PPP4R2: variants seen among roughly 807,000 people sequenced by gnomAD.
The protein encoded by PPP4R2 is serine/threonine-protein phosphatase 4 regulatory subunit 2.
PPP4R2 carries 13 observed loss-of-function variants against 47.2 expected under a neutral mutation model. The ratio of observed to expected loss-of-function variants is 0.28; its 90% CI spans 0.18 to 0.44. The LOEUF (loss-of-function observed/expected upper bound fraction) is 0.44. PPP4R2 is among the 20% of genes least tolerant of loss of function. PPP4R2 has a pLI of 1.00. For missense variants in PPP4R2, 421 were observed against 491.2 expected (o/e 0.86, Z 1.35); for synonymous variants, 151 against 163.3 (o/e 0.92, Z 0.57).
At chr3:73,055,052 A>G (rs1047392771) in intron 3 of PPP4R2, among the ~76,000 whole-genome samples, 1 of 152,114 alleles carries the variant, frequency 6.6e-6, no homozygotes, top group Non-Finnish European at 1.5e-5. Flanking sequence ...TTAAATTAAG[A>G]TATATAAGGT....
At chr3:73,038,967 T>G (rs748219373) in intron 2 of PPP4R2, among the ~76,000 whole-genome samples, 42 of 152,288 alleles carry the variant, frequency 2.8e-4, no homozygotes, top group Admixed American at 4.6e-4. Context: ...GCAAATACTT[T>G]CCCTTCAGAA....
chr3:73,022,448 A>C (rs1330093584), intron 2 of PPP4R2, among the ~76,000 whole-genome samples: 2 of 152,326 alleles, frequency 1.3e-5, no homozygotes, highest in Middle Eastern at 3.4e-3. Context: ...TGAAAGTTAC[A>C]GTGTCAAGTG....
intron 2 of PPP4R2, among the ~76,000 whole-genome samples, chr3:73,028,242 G>A (rs2107269469): frequency 7.8e-6 from 1 of 128,466 alleles, no homozygotes; most frequent in East Asian, 2.5e-4. Flanking sequence ...GGGTGTCAGA[G>A]CAAGACTCCG....
At chr3:73,013,349 T>C (rs1701761112) in intron 2 of PPP4R2, among the ~76,000 whole-genome samples, 1 of 152,246 alleles carries the variant, frequency 6.6e-6, no homozygotes, top group South Asian at 2.1e-4. Flanking sequence ...AGGAATTTGG[T>C]GAGAATAACT....
intron 7 of PPP4R2, among the ~76,000 whole-genome samples, chr3:73,064,433 G>C (rs1055456950): frequency 6.6e-6 from 1 of 152,138 alleles, no homozygotes; most frequent in African/African-American, 2.4e-5. Context: ...GAAAAGAAAT[G>C]ATCTTTATAA....
chr3:73,027,299 T>C (rs1438338272), intron 2 of PPP4R2, among the ~76,000 whole-genome samples: 4 of 152,192 alleles, frequency 2.6e-5, no homozygotes, highest in African/African-American at 4.8e-5. Flanking sequence ...GGCTAATTTT[T>C]TGCATTTTAG....
chr3:73,023,655 G>T (rs939764086), intron 2 of PPP4R2, among the ~76,000 whole-genome samples: 1 of 152,158 alleles, frequency 6.6e-6, no homozygotes, highest in African/African-American at 2.4e-5. Context: ...ATCAAAGGAA[G>T]ACATGACAGT....
In PPP4R2 at chr3:73,065,587, T is replaced by A. The variant is rs1222316519; in HGVS notation, c.1119T>A (p.Ser373Arg). 6.2e-7 allele frequency: 1 copy of A among 1,613,730 alleles called. No homozygotes were observed. Among genetic ancestry groups the A allele is most frequent in the East Asian group, 2.2e-5 (1 of 44,856 alleles). ...GSENEGPVSSSSSDCRETEEL... is the reference protein window; with the variant it reads ...GSENEGPVSSRSSDCRETEEL... The stretch of plus-strand genomic sequence containing the variant: ...AAAACGAAGGCCCTGTAAGTAGTAG[T>A]TCTTCTGACTGCCGTGAAACAGAAG... The change falls in exon 9 of 9, where the codon AGT becomes AGA. Residue 373 changes from serine (S) to arginine (R), a missense_variant. Ser to Arg is a moderately radical substitution (Grantham distance 110). This residue lies in a region of PPP4R2 where 317 missense variants were observed against 287.5 expected (regional missense o/e 1.10). Coordinates refer to ENST00000356692, the MANE Select transcript of PPP4R2 (RefSeq NM_174907.4).
intron 2 of PPP4R2, among the ~76,000 whole-genome samples, chr3:73,023,285 G>A (rs1701996958): frequency 8.9e-6 from 1 of 112,920 alleles, no homozygotes; most frequent in African/African-American, 3.7e-5. Context: ...TGCCTCCTGG[G>A]TTCAAGCAAT....
intron 2 of PPP4R2, among the ~76,000 whole-genome samples, chr3:73,028,674 G>A (rs868614054): frequency 1.3e-5 from 2 of 151,880 alleles, no homozygotes; most frequent in African/African-American, 4.8e-5. Context: ...TCCTGACCTC[G>A]TGATCCGCCC....
At chr3:73,032,585 C>T (rs1702187034) in intron 2 of PPP4R2, among the ~76,000 whole-genome samples, 1 of 152,190 alleles carries the variant, frequency 6.6e-6, no homozygotes, top group Non-Finnish European at 1.5e-5. Flanking sequence ...CCGTGCCCAG[C>T]CTACCTTCCT....
At chr3:73,035,125 T>A (rs75352225) in intron 2 of PPP4R2, among the ~76,000 whole-genome samples, 7,270 of 152,328 alleles carry the variant, frequency 0.048, 582 homozygotes, top group African/African-American at 0.17. Context: ...GCTAATTATC[T>A]GAACATTTTC....
chr3:73,019,532 C>T (rs528442437), intron 2 of PPP4R2, among the ~76,000 whole-genome samples: 2 of 152,252 alleles, frequency 1.3e-5, no homozygotes, highest in East Asian at 3.9e-4. Context: ...TGCCACCACA[C>T]CCGGCTAATT....
intron 3 of PPP4R2, among the ~76,000 whole-genome samples, chr3:73,050,898 G>A (rs754417514): frequency 2.0e-5 from 3 of 152,144 alleles, no homozygotes; most frequent in East Asian, 1.9e-4. Flanking sequence ...TTGAATATAC[G>A]TATAGATTGT....
chr3:73,026,501 A>ATT (rs10685161), intron 2 of PPP4R2, among the ~76,000 whole-genome samples: 80,399 of 151,740 alleles, frequency 0.53, 21,644 homozygotes, highest in African/African-American at 0.62. Context: ...TTTTGTTTAG[A>ATT]GTGAGTTCCC....
At chr3:73,024,272 A>G (rs1702015646) in intron 2 of PPP4R2, among the ~76,000 whole-genome samples, 1 of 152,186 alleles carries the variant, frequency 6.6e-6, no homozygotes, top group South Asian at 2.1e-4. Flanking sequence ...TCAAGGGTAG[A>G]AAGGAAAATT....
chr3:73,024,995 T>C (rs867989232), intron 2 of PPP4R2, among the ~76,000 whole-genome samples: 1 of 152,226 alleles, frequency 6.6e-6, no homozygotes, highest in African/African-American at 2.4e-5. Flanking sequence ...CTTCAGGTTC[T>C]AGCAAAGGAC....
intron 1 of PPP4R2, chr3:72,997,341 C>A: frequency 2.7e-6 from 1 of 364,916 alleles, no homozygotes; most frequent in Non-Finnish European, 4.9e-6. Flanking sequence ...TTCTCCCACC[C>A]GTTCAGGGGA....
At chr3:73,007,784 C>T (rs932379105) in intron 2 of PPP4R2, among the ~76,000 whole-genome samples, 6 of 152,154 alleles carry the variant, frequency 3.9e-5, no homozygotes, top group East Asian at 1.9e-4. Context: ...CCACCGCGCC[C>T]GGCCTCTATG....
Sources: allele counts gnomAD v4.1 joint callset (sites outside exome capture counted in the v4.1 genomes callset), GRCh38; gene constraint gnomAD v4.1.1; regional missense constraint gnomAD v4.1.1; transcripts MANE v1.5; gene names NCBI Gene and HGNC (gene_info 2026-07-23, HGNC 2026-07-21).